The following LGR6 variants were observed in gnomAD, a reference collection of about 807,000 sequenced individuals.
LGR6 encodes the protein leucine rich repeat containing G protein-coupled receptor 6, also known as leucine-rich repeat-containing G protein-coupled receptor 6.
LGR6 carries 45 observed loss-of-function variants against 69.4 expected under a neutral mutation model. The observed-to-expected ratio is 0.65, with a 90% CI of 0.51 to 0.83. The LOEUF is 0.83. Ranked by LOEUF, LGR6 falls within the 40% of genes least tolerant of loss-of-function variation. The pLI, the probability that LGR6 is intolerant of heterozygous loss-of-function variation, is 0.00. For synonymous variants in LGR6, 538 were observed against 555.0 expected (o/e 0.97, Z 0.43); for missense variants, 1,108 against 1,246.7 (o/e 0.89, Z 1.68).
At chr1:202,205,167 A>G (rs1352930645) in intron 1 of LGR6, among the ~76,000 whole-genome samples, 686 of 34,650 alleles carry the variant, frequency 0.02, no homozygotes, top group Middle Eastern at 0.071. Flanking sequence ...CACCTAACAC[A>G]CACTTCCTTC....
chr1:202,309,304 A>G, intron 15 of LGR6, 128 bp downstream of exon 15: 2 of 1,117,696 alleles, frequency 1.8e-6, no homozygotes, highest in Non-Finnish European at 2.5e-6. Context: ...ATTTAGTGGA[A>G]GGGCTCACCT....
At chr1:202,212,401 C>A (rs1020979009) in intron 1 of LGR6, among the ~76,000 whole-genome samples, 1 of 152,200 alleles carries the variant, frequency 6.6e-6, no homozygotes, top group African/African-American at 2.4e-5. Flanking sequence ...GGGTTAGTTT[C>A]CAGTGGCTGC....
At chr1:202,307,043 A>G in intron 13 of LGR6, 104 bp downstream of exon 13, 1 of 1,004,012 alleles carries the variant, frequency 1.0e-6, no homozygotes, top group South Asian at 1.3e-5. Context: ...CAAATGTGAC[A>G]TGCACATCGC....
rs146922219 is a variant in LGR6 at position 202,308,454 on chromosome 1, G to A, written c.1281-597G>A. Among the ~76,000 whole-genome samples, 747 of 152,270 alleles carry A rather than the reference G, an allele frequency of 4.9e-3. 13 individuals are homozygous for A. The South Asian group carries it at 0.07, about 14-fold the overall frequency. On this transcript the variant is annotated intron_variant, in intron 14 of 17. Transcript: ENST00000367278. ...ACGACGCACAGTCTGTGGTCTTAGC[G>A]TTTGGTTTGGAACCCTGGGCTTCCT...
chr1:202,194,226 C>T (rs1358033350), intron 1 of LGR6, 25 bp downstream of exon 1: 1 of 1,510,260 alleles, frequency 6.6e-7, no homozygotes, highest in Non-Finnish European at 8.9e-7. Context: ...CCTGTCCCCG[C>T]CTGGTCCTGC....
intron 4 of LGR6, among the ~76,000 whole-genome samples, chr1:202,238,410 T>C (rs1661797491): frequency 7.8e-6 from 1 of 128,546 alleles, no homozygotes; most frequent in African/African-American, 2.9e-5. Context: ...CCCAGCCTGA[T>C]CCTTTTTTTT....
At chr1:202,292,725 T>C (rs879316997) in intron 6 of LGR6, among the ~76,000 whole-genome samples, 1 of 152,252 alleles carries the variant, frequency 6.6e-6, no homozygotes, top group Non-Finnish European at 1.5e-5. Context: ...AGTAGAACTT[T>C]CTGGGTTGAC....
chr1:202,318,586 C>T lies in LGR6; in HGVS notation c.2283C>T (p.Gly761=), dbSNP rs984296309. The T allele has an allele frequency of 2.5e-6, 4 of 1,613,998 alleles. No homozygotes were observed. The highest frequency in any genetic ancestry group is 2.7e-5 in the African/African-American group (2 of 75,058). The change falls in exon 18 of 18, where the codon GGC becomes GGT. Residue 761 remains glycine, a synonymous_variant. Coordinates refer to ENST00000367278, the MANE Select transcript of LGR6 (RefSeq NM_001017403.2). Reference sequence around the variant, plus strand: ...AACTGTACTGTGACCTGCCGCGGGGCGACTTTGAGGCCGTGTGGGACTGCG... The same window carrying T: ...AACTGTACTGTGACCTGCCGCGGGGTGACTTTGAGGCCGTGTGGGACTGCG... ...YIKLYCDLPR[G]DFEAVWDCAM...
chr1:202,256,248 A>AT (rs1558040729), intron 4 of LGR6, among the ~76,000 whole-genome samples: 1 of 151,386 alleles, frequency 6.6e-6, no homozygotes, highest in Non-Finnish European at 1.5e-5. Context: ...ATTTTTTTTA[A>AT]TTTTTTTATT....
chr1:202,228,646 TC>T (rs1476130268), intron 3 of LGR6, among the ~76,000 whole-genome samples: 1 of 152,176 alleles, frequency 6.6e-6, no homozygotes, highest in Non-Finnish European at 1.5e-5. Context: ...AGACACAATC[TC>T]CTCAACTCAT....
rs1023013528 is a variant in LGR6 at position 202,259,410 on chromosome 1, A to G, written c.429-16896A>G. On this transcript the variant is annotated intron_variant, in intron 4 of 17. Transcript: ENST00000367278. ...GCCCCAGAACCTGTGTTTGAAGAGC[A>G]AATTCTTTGATAACATTTCTAATTT... Among the ~76,000 whole-genome samples, 5 of 152,196 alleles carry G rather than the reference A, an allele frequency of 3.3e-5. No individual in the cohort carries two copies. The South Asian group carries it at 8.3e-4, about 25-fold the overall frequency.
intron 10 of LGR6, 114 bp downstream of exon 10, chr1:202,303,461 C>A: frequency 2.5e-6 from 2 of 793,084 alleles, no homozygotes; most frequent in Non-Finnish European, 2.2e-6. Context: ...TTTTATCCAG[C>A]CTGTCTCTAC....
chr1:202,237,594 T>A (rs181755333), intron 4 of LGR6, among the ~76,000 whole-genome samples: 2 of 152,172 alleles, frequency 1.3e-5, no homozygotes, highest in Non-Finnish European at 2.9e-5. Context: ...GGACTAGGCA[T>A]GGAGCTTTTG....
At chr1:202,197,460 C>T (rs1201435299) in intron 1 of LGR6, 1 of 533,410 alleles carries the variant, frequency 1.9e-6, no homozygotes, top group East Asian at 5.4e-5. Flanking sequence ...CTCAGCGAGG[C>T]TCATTGACAC....
chr1:202,295,753 T>C (rs911397775), intron 6 of LGR6, among the ~76,000 whole-genome samples: 2 of 152,188 alleles, frequency 1.3e-5, no homozygotes, highest in African/African-American at 4.8e-5. Flanking sequence ...GTTTGACGCA[T>C]GAGAGGCAAA....
chr1:202,226,877 G>A (rs938365923), intron 2 of LGR6, among the ~76,000 whole-genome samples: 21 of 152,144 alleles, frequency 1.4e-4, no homozygotes, highest in African/African-American at 4.8e-4. Context: ...GGCAGTGGAG[G>A]GGCCTTTTGA....
intron 1 of LGR6, chr1:202,196,913 C>T: frequency 2.3e-6 from 1 of 429,900 alleles, no homozygotes; most frequent in Non-Finnish European, 4.8e-6. Context: ...GGACTTGGAG[C>T]CCAACCAGTT....
intron 6 of LGR6, 142 bp downstream of exon 6, chr1:202,280,994 C>T: frequency 3.1e-6 from 2 of 646,242 alleles, no homozygotes; most frequent in East Asian, 2.9e-5. Context: ...CCCACATGCC[C>T]CTCCCTGGCA....
chr1:202,319,421 C>T lies in LGR6; in HGVS notation c.*214C>T. Reference sequence around the variant, plus strand: ...TTTCCCTTGGCCTTCCTCAGCTTCACCTTGATACTGGGCCTCTTCCTTGTC... The same window carrying T: ...TTTCCCTTGGCCTTCCTCAGCTTCATCTTGATACTGGGCCTCTTCCTTGTC... On this transcript the variant is annotated 3_prime_UTR_variant, in exon 18 of 18. Coordinates refer to ENST00000367278, the MANE Select transcript of LGR6 (RefSeq NM_001017403.2). The T allele has an allele frequency of 1.8e-6, 1 of 541,638 alleles. No homozygotes were observed. Among genetic ancestry groups the T allele is most frequent in the Non-Finnish European group, 3.2e-6 (1 of 312,184 alleles). The allele number at this position is 541,638 out of a possible 1,614,324, so 33.6% of individuals were successfully genotyped here.
Sources: allele counts gnomAD v4.1 joint callset (sites outside exome capture counted in the v4.1 genomes callset), GRCh38; gene constraint gnomAD v4.1.1; transcripts MANE v1.5; gene names NCBI Gene and HGNC (gene_info 2026-07-23, HGNC 2026-07-21).